STAP1: variants seen among roughly 807,000 people sequenced by gnomAD.
STAP1 encodes the protein signal-transducing adaptor protein 1.
Under a neutral mutation model 37.8 loss-of-function variants are expected in STAP1, and 30 were observed. The observed-to-expected ratio is 0.79, with a 90% CI of 0.59 to 1.08. The LOEUF (loss-of-function observed/expected upper bound fraction) is 1.08, where lower values mean the gene tolerates loss of function less well. Among genes scored for constraint, STAP1 ranks in the 50% least tolerant of loss-of-function variants. The pLI is 0.00. For missense variants in STAP1, 357 were observed against 349.4 expected, an observed-to-expected ratio of 1.02 and a Z score of -0.17; for synonymous variants, 130 against 116.0, an observed-to-expected ratio of 1.12 and a Z score of -0.78.
intron 6 of STAP1, among the ~76,000 whole-genome samples, chr4:67,589,476 C>T (rs1473874164): frequency 6.6e-6 from 1 of 152,022 alleles, no homozygotes; most frequent in African/African-American, 2.4e-5. Flanking sequence ...AGTTTCAGTC[C>T]TAAATGAAAA....
rs1727744574 is a variant in STAP1, at chr4:67,577,253, A to G, written c.357A>G (p.Val119=). Residue 119 remains valine (V), a synonymous_variant, in exon 4 of 9, where the codon GTA becomes GTG. Coordinates refer to ENST00000265404, the MANE Select transcript of STAP1 (RefSeq NM_012108.4). ...AATGGAGAGGCTTCATTCTTACAGTAACAGAGGTAGGAAGCTCACTGCTTT... is the reference window on the plus strand; with the variant it reads ...AATGGAGAGGCTTCATTCTTACAGTGACAGAGGTAGGAAGCTCACTGCTTT... ...GEEWRGFILT[V]TELSVPQNVS... The G allele has an allele frequency of 1.2e-6, 2 of 1,607,448 alleles. No individual in the cohort carries two copies. Among genetic ancestry groups the G allele is most frequent in the Non-Finnish European group, 1.7e-6 (2 of 1,177,314 alleles).
chr4:67,565,237 G>T (rs562123020), intron 1 of STAP1, among the ~76,000 whole-genome samples: 3 of 152,244 alleles, frequency 2.0e-5, no homozygotes, highest in South Asian at 2.1e-4. Context: ...CTCCCATATG[G>T]TTTTTTACAG....
intron 6 of STAP1, among the ~76,000 whole-genome samples, chr4:67,588,689 G>A (rs925528015): frequency 1.3e-5 from 2 of 152,162 alleles, no homozygotes; most frequent in African/African-American, 4.8e-5. Flanking sequence ...GATTACAGGC[G>A]TGAACCACTG....
chr4:67,581,408 C>G lies in STAP1; in HGVS notation c.467C>G (p.Thr156Arg). The G allele has an allele frequency of 6.2e-7, 1 of 1,613,762 alleles. No homozygotes were observed. ...AGGAGGATTGAGACAGAGCAGAGTA[C>G]GTCCGTGGAAAAAGAGAAGGAACCA... ...KKRRIETEQS[T>R]SVEKEKEPTE... is the part of the protein sequence containing the mutation. The change falls in exon 5 of 9, where the codon ACG becomes AGG. Residue 156 changes from threonine to arginine, a missense_variant. Coordinates refer to ENST00000265404, the MANE Select transcript of STAP1 (RefSeq NM_012108.4).
At chr4:67,574,416 A>G (rs1727674136) in intron 2 of STAP1, among the ~76,000 whole-genome samples, 1 of 152,202 alleles carries the variant, frequency 6.6e-6, no homozygotes, top group African/African-American at 2.4e-5. Context: ...ATTAATGAGT[A>G]AAAAGAAAGT....
intron 1 of STAP1, among the ~76,000 whole-genome samples, chr4:67,559,454 C>A (rs969830760): frequency 6.6e-6 from 1 of 151,978 alleles, no homozygotes; most frequent in African/African-American, 2.4e-5. Context: ...GTTATGTGTT[C>A]TAAAATACTA....
intron 7 of STAP1, among the ~76,000 whole-genome samples, chr4:67,593,038 G>A (rs1004464515): frequency 6.6e-6 from 1 of 152,192 alleles, no homozygotes; most frequent in Non-Finnish European, 1.5e-5. Flanking sequence ...TTGTCTACCA[G>A]ATTGTATTCA....
intron 1 of STAP1, among the ~76,000 whole-genome samples, chr4:67,559,462 C>T (rs1578017827): frequency 6.6e-6 from 1 of 151,994 alleles, no homozygotes; most frequent in East Asian, 1.9e-4. Flanking sequence ...TTCTAAAATA[C>T]TATTCAAGAT....
At chr4:67,599,353 T>C (rs185256576) in intron 8 of STAP1, among the ~76,000 whole-genome samples, 201 of 151,902 alleles carry the variant, frequency 1.3e-3, no homozygotes, top group Non-Finnish European at 2.5e-3. Context: ...TCTTCTTTGC[T>C]GGGAGACTTT....
chr4:67,563,058 A>G (rs1477832443), intron 1 of STAP1, among the ~76,000 whole-genome samples: 1 of 152,164 alleles, frequency 6.6e-6, no homozygotes, highest in Non-Finnish European at 1.5e-5. Context: ...GGACAGAGGA[A>G]GAGAAACTTA....
At chr4:67,560,447 G>GA (rs1727307983) in intron 1 of STAP1, among the ~76,000 whole-genome samples, 1 of 152,018 alleles carries the variant, frequency 6.6e-6, no homozygotes. Flanking sequence ...GGAGAATATG[G>GA]AAAAAAACAC....
At chr4:67,586,138 C>T (rs1213386321) in intron 6 of STAP1, among the ~76,000 whole-genome samples, 9 of 152,058 alleles carry the variant, frequency 5.9e-5, no homozygotes, top group Non-Finnish European at 1.5e-5. Context: ...AATGAACAAA[C>T]TCTCAAGACC....
chr4:67,570,711 A>G (rs1275567927), intron 1 of STAP1, among the ~76,000 whole-genome samples: 2 of 150,572 alleles, frequency 1.3e-5, no homozygotes, highest in Non-Finnish European at 3.0e-5. Flanking sequence ...AAAGAAAGAG[A>G]AAGGAAGGAA....
At chr4:67,570,041 C>T (rs144492951) in intron 1 of STAP1, among the ~76,000 whole-genome samples, 31 of 152,112 alleles carry the variant, frequency 2.0e-4, no homozygotes, top group African/African-American at 7.2e-4. Flanking sequence ...CAGTGGATGG[C>T]CTTTAGGGGT....
At chr4:67,560,192 T>C (rs1252452045) in intron 1 of STAP1, among the ~76,000 whole-genome samples, 1 of 150,802 alleles carries the variant, frequency 6.6e-6, no homozygotes, top group African/African-American at 2.4e-5. Flanking sequence ...AGACATGTCA[T>C]TGGTATGGTT....
chr4:67,585,496 T>G (rs1010293871), intron 6 of STAP1, among the ~76,000 whole-genome samples: 1 of 152,234 alleles, frequency 6.6e-6, no homozygotes, highest in Non-Finnish European at 1.5e-5. Flanking sequence ...ATGGCAAGAA[T>G]GTTAGATGGT....
intron 4 of STAP1, among the ~76,000 whole-genome samples, chr4:67,579,922 G>T (rs954703099): frequency 1.5e-4 from 23 of 152,108 alleles, no homozygotes; most frequent in Admixed American, 1.5e-3. Flanking sequence ...CTGGAGTGCA[G>T]TGGCTTGATC....
chr4:67,562,764 T>G (rs1387390119), intron 1 of STAP1, among the ~76,000 whole-genome samples: 1 of 151,782 alleles, frequency 6.6e-6, no homozygotes, highest in Non-Finnish European at 1.5e-5. Context: ...AGAGGGAGAC[T>G]CCATCTCAAA....
intron 6 of STAP1, among the ~76,000 whole-genome samples, chr4:67,590,338 C>G (rs572884439): frequency 6.6e-6 from 1 of 152,184 alleles, no homozygotes; most frequent in East Asian, 1.9e-4. Context: ...GCCTAAGACC[C>G]AGTATTTTCC....
Sources: gnomAD v4.1 joint callset for allele counts (sites outside exome capture counted in the v4.1 genomes callset) on GRCh38, gnomAD v4.1.1 for gene constraint, MANE v1.5 for transcripts, NCBI Gene and HGNC (gene_info 2026-07-23, HGNC 2026-07-21) for gene names.